PCDH15: variants seen among roughly 807,000 people sequenced by gnomAD.
PCDH15 encodes protocadherin related 15.
Under a neutral mutation model 178.5 loss-of-function variants are expected in PCDH15, and 129 were observed. The observed-to-expected ratio is 0.72, with a 90% CI of 0.63 to 0.84. PCDH15 has a LOEUF of 0.84. Ranked by LOEUF, PCDH15 falls within the 40% of genes least tolerant of loss-of-function variation. The pLI is 0.00. For missense variants in PCDH15, 2,230 were observed against 2,099.9 expected (o/e 1.06, Z -1.21); for synonymous variants, 800 against 732.0 (o/e 1.09, Z -1.50).
In PCDH15 at chr10:53,832,055, A is replaced by C. The variant is rs1365653239; in HGVS notation, c.3984-522T>G. 1.1e-4 allele frequency among the ~76,000 whole-genome samples: 16 copies of C among 152,012 alleles called. 1 individual carries two copies. Among genetic ancestry groups the C allele is most frequent in the African/African-American group, 3.9e-4 (16 of 41,308 alleles). On this transcript the variant is annotated intron_variant, in intron 29 of 37. Transcript: ENST00000644397. ...GACTCAAACTCTGTATTTGTTTGCC[A>C]TAACACCATCTTAAAAGTAAACATT...
At chr10:54,699,314 T>C (rs993390957) in intron 1 of PCDH15, among the ~76,000 whole-genome samples, 1 of 152,128 alleles carries the variant, frequency 6.6e-6, no homozygotes, top group Non-Finnish European at 1.5e-5. Context: ...TTAGTTCATA[T>C]GTTACGGAAG....
chr10:53,850,152 T>C (rs2078264190), intron 28 of PCDH15, among the ~76,000 whole-genome samples: 1 of 152,084 alleles, frequency 6.6e-6, no homozygotes, highest in Admixed American at 6.6e-5. Flanking sequence ...ATGGAGCACC[T>C]TAGTTTATAA....
At chr10:54,840,384 C>T (rs943036047) in intron 3 of PCDH15, among the ~76,000 whole-genome samples, 21 of 151,480 alleles carry the variant, frequency 1.4e-4, no homozygotes, top group Admixed American at 1.3e-4. Flanking sequence ...GAATACATAC[C>T]TATAACTATA....
chr10:55,124,013 C>T (rs1837837880), intron 2 of PCDH15, among the ~76,000 whole-genome samples: 2 of 152,130 alleles, frequency 1.3e-5, no homozygotes, highest in Non-Finnish European at 2.9e-5. Flanking sequence ...TGATGTAACA[C>T]GTATACACAT....
chr10:55,494,104 A>C (rs190799055), intron 2 of PCDH15, among the ~76,000 whole-genome samples: 1,711 of 145,470 alleles, frequency 0.012, 17 homozygotes, highest in Non-Finnish European at 0.015. Flanking sequence ...GCTGTTGGAT[A>C]AAATGTTCTA....
intron 2 of PCDH15, among the ~76,000 whole-genome samples, chr10:54,977,579 T>C (rs141378689): frequency 2.6e-4 from 39 of 152,288 alleles, no homozygotes; most frequent in African/African-American, 7.2e-4. Context: ...TCATGAATAA[T>C]CCACTCCTTG....
At chr10:54,544,255 T>TTTATAA (rs1326996650) in intron 2 of PCDH15, among the ~76,000 whole-genome samples, 1 of 150,908 alleles carries the variant, frequency 6.6e-6, no homozygotes, top group African/African-American at 2.5e-5. Flanking sequence ...TGAGCTAGGA[T>TTTATAA]AACAGTTTTT....
At chr10:55,078,182 C>T (rs1410777859) in intron 2 of PCDH15, among the ~76,000 whole-genome samples, 4 of 152,154 alleles carry the variant, frequency 2.6e-5, no homozygotes, top group Admixed American at 2.0e-4. Context: ...GAGAAGTCCA[C>T]TATTAGTCTT....
chr10:54,200,347 C>T (rs890275953), intron 10 of PCDH15, among the ~76,000 whole-genome samples: 3 of 131,714 alleles, frequency 2.3e-5, no homozygotes, highest in Non-Finnish European at 3.1e-5. Flanking sequence ...CGTACGCATA[C>T]ACGTCCCATG....
At chr10:55,449,919 T>G (rs375382400) in intron 2 of PCDH15, among the ~76,000 whole-genome samples, 47 of 152,184 alleles carry the variant, frequency 3.1e-4, no homozygotes, top group African/African-American at 9.9e-4. Context: ...TAATGAGGAC[T>G]TCATAACATC....
rs191733371 is a variant in PCDH15 at position 55,275,895 on chromosome 10, T to G, written c.-156+43704A>C. Among the ~76,000 whole-genome samples the G allele has an allele frequency of 1.5e-3, 225 of 151,740 alleles. 2 individuals carry two copies. The highest frequency in any genetic ancestry group is 7.7e-4 in the Non-Finnish European group (52 of 67,804). The stretch of plus-strand genomic sequence containing the variant: ...ATATTTATTCTTTATTTCTACCCAA[T>G]AATGAGGTATATAATTATAAATATT... On this transcript the variant is annotated intron_variant, in intron 1 of 5. Transcript: ENST00000458638.
At chr10:55,379,428 T>A (rs1837481066) in intron 2 of PCDH15, among the ~76,000 whole-genome samples, 2 of 152,108 alleles carry the variant, frequency 1.3e-5, no homozygotes, top group Admixed American at 6.6e-5. Flanking sequence ...AAGTGATATA[T>A]AAAGTAATAT....
At chr10:53,894,629 T>C (rs1005896884) in intron 26 of PCDH15, among the ~76,000 whole-genome samples, 1 of 152,184 alleles carries the variant, frequency 6.6e-6, no homozygotes, top group Non-Finnish European at 1.5e-5. Flanking sequence ...CTGTAAAACA[T>C]AAATGGTGAT....
At chr10:54,870,473 C>CAAGT in intron 3 of PCDH15, among the ~76,000 whole-genome samples, 1 of 152,036 alleles carries the variant, frequency 6.6e-6, no homozygotes, top group East Asian at 1.9e-4. Context: ...AGTTAGTTTG[C>CAAGT]AAGTACTTGG....
intron 37 of PCDH15, chr10:53,808,256 A>AAGAT (rs1476942151): frequency 1.5e-5 from 4 of 264,760 alleles, no homozygotes; most frequent in Non-Finnish European, 2.3e-5. Context: ...ACGACTGTTA[A>AAGAT]AGATATAATT....
intron 1 of PCDH15, among the ~76,000 whole-genome samples, chr10:54,694,955 T>C (rs2095195533): frequency 6.6e-6 from 1 of 152,028 alleles, no homozygotes; most frequent in Non-Finnish European, 1.5e-5. Flanking sequence ...AACAGCCAAC[T>C]TGTGAATGCA....
chr10:55,378,399 T>C (rs1008437017), intron 2 of PCDH15, among the ~76,000 whole-genome samples: 2 of 152,108 alleles, frequency 1.3e-5, no homozygotes, highest in African/African-American at 4.8e-5. Flanking sequence ...GAGAATACTG[T>C]TGGAATTTGG....
rs1362753601 is a variant in PCDH15, at chr10:53,809,371, C to T, written c.4671+1185G>A. The T allele has an allele frequency of 1.9e-6, 3 of 1,613,850 alleles. No homozygotes were observed. In the African/African-American group the frequency reaches 4.0e-5, roughly 22 times the overall value. On this transcript the variant is annotated intron_variant, in intron 37 of 37. Coordinates refer to ENST00000644397, the MANE Select transcript of PCDH15 (RefSeq NM_001384140.1). ...TTCACCCTCAAGGTCAACGATTCCTCTTTTATCAGCTAATCCTCTAACTTT... is the reference window on the plus strand; with the variant it reads ...TTCACCCTCAAGGTCAACGATTCCTTTTTTATCAGCTAATCCTCTAACTTT...
At chr10:54,671,604 A>G (rs969989897) in intron 1 of PCDH15, among the ~76,000 whole-genome samples, 2 of 152,180 alleles carry the variant, frequency 1.3e-5, no homozygotes, top group African/African-American at 4.8e-5. Context: ...TGACAGATGA[A>G]AATTTGAACA....
Sources: allele counts gnomAD v4.1 joint callset (sites outside exome capture counted in the v4.1 genomes callset), GRCh38; gene constraint gnomAD v4.1.1; transcripts MANE v1.5; gene names NCBI Gene and HGNC (gene_info 2026-07-23, HGNC 2026-07-21).